DDX50: variants seen among roughly 807,000 people sequenced by gnomAD.
DDX50 encodes DExD-box helicase 50.
In DDX50, 56 loss-of-function variants were observed where a neutral mutation model predicts 94.8. The observed-to-expected ratio is 0.59, with a 90% CI of 0.48 to 0.74. The LOEUF (loss-of-function observed/expected upper bound fraction) is 0.74, where lower values mean the gene tolerates loss of function less well. DDX50 is among the 30% of genes least tolerant of loss of function. The pLI, the probability that DDX50 is intolerant of heterozygous loss-of-function variation, is 0.00. For missense variants in DDX50, 713 were observed against 881.2 expected, an observed-to-expected ratio of 0.81 and a Z score of 2.42; for synonymous variants, 264 against 295.4, an observed-to-expected ratio of 0.89 and a Z score of 1.09.
chr10:68,934,876 A>G lies in DDX50; in HGVS notation c.1479A>G (p.Gln493=), dbSNP rs1421024762. Residue 493 remains glutamine, a synonymous_variant, in exon 10 of 15, where the codon CAA becomes CAG. Coordinates refer to ENST00000373585, the MANE Select transcript of DDX50 (RefSeq NM_024045.2). The surrounding 1 kb of genome is among the most constrained non-coding windows in gnomAD (Gnocchi z 4.0). ...CAGGGATTTGTATATGTTTTTATCA[A>G]CCAAGAGAAAGAGGTCAACTAAGAT... is the stretch of plus-strand genomic sequence containing the variant. ...GRTGICICFY[Q]PRERGQLRYV... 6.2e-7 allele frequency: 1 copy of G among 1,613,264 alleles called. No homozygotes were observed. The highest frequency in any genetic ancestry group is 1.3e-5 in the African/African-American group (1 of 75,024).
rs758477172 is a variant in DDX50 at position 68,913,216 on chromosome 10, A to G, written c.694A>G (p.Lys232Glu). The stretch of plus-strand genomic sequence containing the variant: ...GGCAAACCAAGTAGCCAAAGACTTC[A>G]AAGATATAACTAGGAAACTCAGCGT... ...ELANQVAKDF[K>E]DITRKLSVAC... Residue 232 changes from lysine (K) to glutamate (E), a missense_variant, in exon 5 of 15, where the codon AAA becomes GAA. By Grantham distance (56) the Lys-to-Glu change is moderately conservative (BLOSUM62 1). Around this residue, in one of 2 missense-constraint regions of DDX50, gnomAD observed 285 missense variants for 278.9 expected, o/e 1.02. Coordinates refer to ENST00000373585, the MANE Select transcript of DDX50 (RefSeq NM_024045.2). 3.1e-6 allele frequency: 5 copies of G among 1,613,476 alleles called. No individual in the cohort carries two copies. The highest frequency in any genetic ancestry group is 2.7e-5 in the African/African-American group (2 of 74,924).
At position 68,914,028 on chromosome 10, in the gene DDX50, A is replaced by G. The variant is rs565128472; in HGVS notation, c.944-31A>G. ...GCGGGCTACATCGTGGGAAATTAAG[A>G]AAACATTTGAATTCTTTTTGTTTAT... On this transcript the variant is annotated intron_variant, in intron 6 of 14. Transcript: ENST00000373585. 7 of 1,544,460 alleles carry G rather than the reference A, an allele frequency of 4.5e-6. No homozygotes were observed. In the African/African-American group the frequency reaches 9.9e-5, roughly 22 times the overall value.
chr10:68,923,778 A>G (rs1315970868), intron 8 of DDX50, among the ~76,000 whole-genome samples: 2 of 151,592 alleles, frequency 1.3e-5, no homozygotes, highest in African/African-American at 2.4e-5. Flanking sequence ...TGCTGACCTC[A>G]AGTGATCGTT....
intron 1 of DDX50, chr10:68,906,255 G>A (rs1841441255): frequency 6.5e-6 from 1 of 152,730 alleles, no homozygotes. Flanking sequence ...TTTCGGATAA[G>A]GGATTATGGA....
chr10:68,929,279 TCCTTCCTTCCTTCC>T (rs1842172340), intron 8 of DDX50, among the ~76,000 whole-genome samples: 1 of 82,130 alleles, frequency 1.2e-5, no homozygotes, highest in African/African-American at 4.1e-5. Context: ...CTTCCTTCCT[TCCTTCCTTCCTTCC>T]TCTCTCTCTC....
chr10:68,942,860 A>G (rs1370825320), intron 13 of DDX50, among the ~76,000 whole-genome samples: 2 of 152,096 alleles, frequency 1.3e-5, no homozygotes, highest in African/African-American at 2.4e-5. Flanking sequence ...GACTCAAACA[A>G]TCTGTCCACC....
chr10:68,934,992 C>T lies in DDX50; in HGVS notation c.1521+74C>T. 6.7e-7 allele frequency: 1 copy of T among 1,498,984 alleles called. No individual in the cohort carries two copies. Among genetic ancestry groups the T allele is most frequent in the Non-Finnish European group, 8.9e-7 (1 of 1,122,470 alleles). 92.9% of individuals were successfully genotyped at this position (1,498,984 alleles called of 1,614,324 possible). A position where few individuals can be genotyped will look rare whatever the true frequency, so the allele number is the denominator to read the frequency against. ...AAAGAGAGCTCTTCTTATATTTATTCTTACAAGTAGGTCTTCATAACTTTT... is the reference window on the plus strand; with the variant it reads ...AAAGAGAGCTCTTCTTATATTTATTTTTACAAGTAGGTCTTCATAACTTTT... On this transcript the variant is annotated intron_variant, in intron 10 of 14. Transcript: ENST00000373585. This position sits in a 1 kb window ranked among gnomAD's most constrained non-coding sequence, Gnocchi z 4.0.
chr10:68,919,700 C>T, intron 7 of DDX50, 132 bp from the exon 8 acceptor site: 1 of 1,029,222 alleles, frequency 9.7e-7, no homozygotes, highest in Non-Finnish European at 1.4e-6. Flanking sequence ...TTTTTAAGTG[C>T]TGTTGAGGAG....
intron 2 of DDX50, among the ~76,000 whole-genome samples, chr10:68,909,076 T>C (rs948985960): frequency 9.9e-5 from 15 of 152,234 alleles, no homozygotes; most frequent in Non-Finnish European, 1.9e-4. Context: ...TCCTACCACC[T>C]TGGCCTCCCA....
chr10:68,902,563 C>G (rs1357081858), intron 1 of DDX50, among the ~76,000 whole-genome samples: 1 of 152,202 alleles, frequency 6.6e-6, no homozygotes, highest in African/African-American at 2.4e-5. Context: ...CATCATCCAT[C>G]TCCAGAACTT....
intron 7 of DDX50, among the ~76,000 whole-genome samples, chr10:68,915,147 C>G (rs1410646224): frequency 2.0e-5 from 3 of 152,098 alleles, no homozygotes; most frequent in East Asian, 1.9e-4. Flanking sequence ...GGCGTGGTGG[C>G]TTACGCCTGT....
chr10:68,906,974 T>G lies in DDX50; in HGVS notation c.351T>G (p.Ser117=). ...AGCGAGTATCATCTTTAGATACTTC[T>G]ACTCATAAATCAAGTGATAATAAAC... The part of the protein sequence containing the change: ...KSKRVSSLDT[S]THKSSDNKLE... The change falls in exon 2 of 15, where the codon TCT becomes TCG. Residue 117 remains serine, a synonymous_variant. Transcript: ENST00000373585. 6.3e-6 allele frequency: 10 copies of G among 1,587,008 alleles called. No individual in the cohort carries two copies. Among genetic ancestry groups the G allele is most frequent in the Non-Finnish European group, 8.5e-6 (10 of 1,173,926 alleles).
intron 2 of DDX50, 51 bp downstream of exon 2, chr10:68,907,058 G>C: frequency 6.6e-7 from 1 of 1,523,596 alleles, no homozygotes; most frequent in Non-Finnish European, 8.8e-7. Context: ...ACTATAGGTT[G>C]ATTTGAATTT....
intron 8 of DDX50, among the ~76,000 whole-genome samples, chr10:68,929,291 TCCTCTCTC>T (rs1485848242): frequency 2.6e-5 from 2 of 75,760 alleles, no homozygotes; most frequent in African/African-American, 8.9e-5. Context: ...CTTCCTTCCT[TCCTCTCTC>T]TCTCTCTCTC....
At chr10:68,926,642 C>T (rs1842096829) in intron 8 of DDX50, among the ~76,000 whole-genome samples, 1 of 151,876 alleles carries the variant, frequency 6.6e-6, no homozygotes, top group African/African-American at 2.4e-5. Flanking sequence ...TTTGGTGGTG[C>T]ACCTGTAATC....
intron 8 of DDX50, among the ~76,000 whole-genome samples, chr10:68,924,694 C>G (rs1453673806): frequency 6.6e-6 from 1 of 151,766 alleles, no homozygotes; most frequent in African/African-American, 2.4e-5. Context: ...CTTTCTAGTT[C>G]TAGCTGTGTC....
intron 7 of DDX50, among the ~76,000 whole-genome samples, chr10:68,916,363 A>AAG (rs1342532387): frequency 4.0e-5 from 6 of 151,350 alleles, no homozygotes; most frequent in South Asian, 4.2e-4. Flanking sequence ...CAAAAAAAAA[A>AAG]AAAAAAGAAT....
Position 68,913,320 on chromosome 10 carries a change from A to G in DDX50, c.757+41A>G, listed in dbSNP as rs1347991254. On this transcript the variant is annotated intron_variant, in intron 5 of 14. Transcript: ENST00000373585. ...TGATAGACGTGCAAAGGCATATTTGATACTCATATTTAAATAAATAATGTG... is the reference window on the plus strand; with the variant it reads ...TGATAGACGTGCAAAGGCATATTTGGTACTCATATTTAAATAAATAATGTG... 3 of 1,603,754 alleles carry G rather than the reference A, an allele frequency of 1.9e-6. No individual in the cohort carries two copies. The African/African-American group carries it at 4.0e-5, about 22-fold the overall frequency.
intron 13 of DDX50, 127 bp downstream of exon 13, chr10:68,941,321 T>G: frequency 7.9e-7 from 1 of 1,264,640 alleles, no homozygotes; most frequent in Non-Finnish European, 1.1e-6. Flanking sequence ...TCTCTGTTAG[T>G]TTGTTTCCAG....
Sources: allele counts gnomAD v4.1 joint callset (sites outside exome capture counted in the v4.1 genomes callset), GRCh38; gene constraint gnomAD v4.1.1; regional missense constraint gnomAD v4.1.1; non-coding constraint Gnocchi (gnomAD v3.1); transcripts MANE v1.5; gene names NCBI Gene and HGNC (gene_info 2026-07-23, HGNC 2026-07-21).